The following CDH4 variants were observed in gnomAD, a reference collection of about 807,000 sequenced individuals.
CDH4 encodes cadherin 4, also known as cadherin-4.
CDH4 carries 33 observed loss-of-function variants against 86.0 expected under a neutral mutation model. The observed-to-expected ratio is 0.38, with a 90% CI of 0.29 to 0.51. The LOEUF is 0.51. Ranked by LOEUF, CDH4 falls within the 20% of genes least tolerant of loss-of-function variation. The probability of loss-of-function intolerance (pLI) is 0.86; values close to 1 mark genes in which losing one functional copy is unlikely to be tolerated. For missense variants in CDH4, 1,114 were observed against 1,307.4 expected (o/e 0.85, Z 2.28); for synonymous variants, 555 against 549.4 (o/e 1.01, Z -0.14).
At chr20:61,843,687 TA>T (rs67518472) in intron 4 of CDH4, among the ~76,000 whole-genome samples, 3,315 of 140,712 alleles carry the variant, frequency 0.024, 93 homozygotes, top group African/African-American at 0.074. Context: ...GACCTGTCTC[TA>T]AAAAAAAAAA....
intron 2 of CDH4, among the ~76,000 whole-genome samples, chr20:61,734,831 C>T (rs1423654566): frequency 6.6e-5 from 10 of 152,354 alleles, no homozygotes; most frequent in Middle Eastern, 3.4e-3. Context: ...ACACAAAGCG[C>T]GCACAGTCAC....
chr20:61,482,603 C>T (rs2085574140), intron 2 of CDH4, among the ~76,000 whole-genome samples: 1 of 152,182 alleles, frequency 6.6e-6, no homozygotes, highest in African/African-American at 2.4e-5. Context: ...TCCTCTCCTA[C>T]CCCTGTTCTG....
intron 2 of CDH4, among the ~76,000 whole-genome samples, chr20:61,429,507 T>C (rs1299505769): frequency 6.6e-6 from 1 of 152,106 alleles, no homozygotes; most frequent in Non-Finnish European, 1.5e-5. Flanking sequence ...CTGGTGTGTG[T>C]TGAATAAATG....
rs2085562719 is a variant in CDH4, at chr20:61,480,478, G to A, written c.169+225541G>A. ...TCCAGGTTTTATCAAAGTGCCCGAT[G>A]AGACATGTTCCCTGAGGAACCCAGG... On this transcript the variant is annotated intron_variant, in intron 2 of 15. Transcript: ENST00000614565. This position sits in a 1 kb window ranked among gnomAD's most constrained non-coding sequence, Gnocchi z 5.2. Among the ~76,000 whole-genome samples, 1 of 152,244 alleles carries A rather than the reference G, an allele frequency of 6.6e-6. No individual in the cohort carries two copies.
intron 13 of CDH4, among the ~76,000 whole-genome samples, chr20:61,930,973 G>C (rs142924403): frequency 0.011 from 1,743 of 152,324 alleles, 45 homozygotes; most frequent in African/African-American, 0.04. Flanking sequence ...GGCCACTCTC[G>C]AGGGCAGCCG....
At chr20:61,860,717 T>C (rs982510768) in intron 6 of CDH4, among the ~76,000 whole-genome samples, 6 of 152,170 alleles carry the variant, frequency 3.9e-5, no homozygotes, top group African/African-American at 1.4e-4. Context: ...AAGGCGTCTG[T>C]CCAGGTGGCA....
intron 2 of CDH4, among the ~76,000 whole-genome samples, chr20:61,706,361 C>A (rs930418909): frequency 1.3e-5 from 2 of 152,170 alleles, no homozygotes; most frequent in Non-Finnish European, 2.9e-5. Context: ...CCAACCACCA[C>A]CCGAGGCACC....
At chr20:61,415,796 T>C (rs899371920) in intron 2 of CDH4, among the ~76,000 whole-genome samples, 2 of 152,072 alleles carry the variant, frequency 1.3e-5, no homozygotes, top group East Asian at 1.9e-4. Context: ...GTCTCCCAGG[T>C]TCAAGCAATT....
intron 2 of CDH4, among the ~76,000 whole-genome samples, chr20:61,556,669 A>G (rs896482881): frequency 6.6e-6 from 1 of 152,102 alleles, no homozygotes. Flanking sequence ...CATCAAAATC[A>G]TGCTTTCTAG....
chr20:61,576,324 C>T (rs564731630), intron 2 of CDH4, among the ~76,000 whole-genome samples: 11 of 152,304 alleles, frequency 7.2e-5, no homozygotes, highest in South Asian at 6.2e-4. Context: ...CCCAGCTGAT[C>T]GTGTTTGCAG....
At chr20:61,606,457 C>T (rs2086646397) in intron 2 of CDH4, among the ~76,000 whole-genome samples, 1 of 152,202 alleles carries the variant, frequency 6.6e-6, no homozygotes, top group African/African-American at 2.4e-5. Context: ...CTCCAGAGCT[C>T]ACCTCTGTCG....
intron 2 of CDH4, among the ~76,000 whole-genome samples, chr20:61,698,042 G>A (rs951118389): frequency 5.9e-5 from 9 of 152,242 alleles, no homozygotes; most frequent in Non-Finnish European, 1.3e-4. Context: ...TCACTGAGCT[G>A]GCACCATCTT....
chr20:61,545,028 C>T (rs551189967), intron 2 of CDH4, among the ~76,000 whole-genome samples: 1 of 152,312 alleles, frequency 6.6e-6, no homozygotes, highest in South Asian at 2.1e-4. Flanking sequence ...GGCCCCTGTC[C>T]TTGGGCCCTC....
chr20:61,645,364 C>T (rs2087050713), intron 2 of CDH4, among the ~76,000 whole-genome samples: 1 of 152,230 alleles, frequency 6.6e-6, no homozygotes, highest in Non-Finnish European at 1.5e-5. Flanking sequence ...CAGCTGCTCA[C>T]ACCTATAATC....
At chr20:61,565,760 G>A (rs1300780426) in intron 2 of CDH4, among the ~76,000 whole-genome samples, 2 of 152,190 alleles carry the variant, frequency 1.3e-5, no homozygotes. Flanking sequence ...CCTGGCAGAG[G>A]AGAAGCCTCC....
At chr20:61,633,707 G>A (rs757276638) in intron 2 of CDH4, among the ~76,000 whole-genome samples, 11 of 152,222 alleles carry the variant, frequency 7.2e-5, no homozygotes, top group Non-Finnish European at 8.8e-5. Context: ...GAAAGGAAGT[G>A]ACAGGAGCAC....
chr20:61,270,606 AT>A (rs2084178375), intron 2 of CDH4, among the ~76,000 whole-genome samples: 1 of 150,308 alleles, frequency 6.7e-6, no homozygotes, highest in African/African-American at 2.4e-5. Context: ...AGCAAAAAAA[AT>A]AGAGTTATGT....
intron 2 of CDH4, among the ~76,000 whole-genome samples, chr20:61,552,608 G>A (rs988594022): frequency 3.3e-5 from 5 of 152,194 alleles, no homozygotes; most frequent in Non-Finnish European, 7.3e-5. Context: ...GCTGAGGCAG[G>A]AGAATCACAT....
intron 2 of CDH4, among the ~76,000 whole-genome samples, chr20:61,548,597 T>G (rs991934899): frequency 6.6e-6 from 1 of 152,186 alleles, no homozygotes; most frequent in African/African-American, 2.4e-5. Context: ...ATTAAAAAAT[T>G]AAAGCATGTT....
Sources: allele counts gnomAD v4.1 joint callset (sites outside exome capture counted in the v4.1 genomes callset), GRCh38; gene constraint gnomAD v4.1.1; non-coding constraint Gnocchi (gnomAD v3.1); transcripts MANE v1.5; gene names NCBI Gene and HGNC (gene_info 2026-07-23, HGNC 2026-07-21).